The following MAP2 variants were observed in gnomAD, a reference collection of about 807,000 sequenced individuals.
MAP2 encodes microtubule associated protein 2.
In MAP2, 14 loss-of-function variants were observed where a neutral mutation model predicts 137.6. That is an observed-to-expected ratio of 0.10 (90% CI 0.07 to 0.16). MAP2 has a LOEUF of 0.16. MAP2 is among the 10% of genes least tolerant of loss of function. MAP2 has a pLI of 1.00. For missense variants in MAP2, 2,088 were observed against 2,191.5 expected (o/e 0.95, Z 0.94); for synonymous variants, 786 against 782.3 (o/e 1.00, Z -0.08).
At chr2:209,652,399 A>G (rs1222442791) in intron 4 of MAP2, among the ~76,000 whole-genome samples, 1 of 152,334 alleles carries the variant, frequency 6.6e-6, no homozygotes, top group East Asian at 1.9e-4. Flanking sequence ...ATTAATAGAA[A>G]ATGTCATTTC....
At chr2:209,682,028 T>A (rs1473175721) in intron 7 of MAP2, among the ~76,000 whole-genome samples, 1 of 152,176 alleles carries the variant, frequency 6.6e-6, no homozygotes, top group African/African-American at 2.4e-5. Flanking sequence ...TAATAATCAG[T>A]GCATAGCAGC....
At chr2:209,588,998 AAG>A in intron 3 of MAP2, among the ~76,000 whole-genome samples, 1 of 152,274 alleles carries the variant, frequency 6.6e-6, no homozygotes, top group South Asian at 2.1e-4. Flanking sequence ...CAAGAGATAA[AAG>A]AGAAATAATA....
intron 12 of MAP2, among the ~76,000 whole-genome samples, chr2:209,706,462 C>G (rs1584133377): frequency 6.6e-6 from 1 of 151,922 alleles, no homozygotes; most frequent in African/African-American, 2.4e-5. Context: ...AGACTAATGA[C>G]TATTATAATA....
intron 1 of MAP2, among the ~76,000 whole-genome samples, chr2:209,496,013 T>A (rs547318019): frequency 6.6e-5 from 10 of 152,326 alleles, no homozygotes; most frequent in African/African-American, 2.4e-4. Flanking sequence ...AACTTTCTTT[T>A]CCAGCATTGT....
chr2:209,605,794 A>G (rs965935559), intron 3 of MAP2, among the ~76,000 whole-genome samples: 9 of 152,290 alleles, frequency 5.9e-5, no homozygotes, highest in African/African-American at 1.7e-4. Flanking sequence ...TAACCATGCC[A>G]GATCTTCATG....
At chr2:209,465,034 G>A (rs1242042695) in intron 1 of MAP2, among the ~76,000 whole-genome samples, 1 of 151,964 alleles carries the variant, frequency 6.6e-6, no homozygotes, top group Non-Finnish European at 1.5e-5. Context: ...TCATATCACA[G>A]GAATAGACTA....
intron 2 of MAP2, among the ~76,000 whole-genome samples, chr2:209,537,917 A>G (rs2066236448): frequency 2.0e-5 from 3 of 152,182 alleles, no homozygotes; most frequent in Non-Finnish European, 4.4e-5. Flanking sequence ...ACAATATTTG[A>G]TGTTTGGCAC....
At chr2:209,498,398 A>G (rs2060001047) in intron 1 of MAP2, among the ~76,000 whole-genome samples, 1 of 152,098 alleles carries the variant, frequency 6.6e-6, no homozygotes, top group South Asian at 2.1e-4. Flanking sequence ...TGGCTTTTCC[A>G]GGTGCAGGAT....
intron 1 of MAP2, among the ~76,000 whole-genome samples, chr2:209,458,420 G>A (rs553191693): frequency 6.6e-6 from 1 of 152,232 alleles, no homozygotes; most frequent in African/African-American, 2.4e-5. Context: ...GGGACATGGA[G>A]GTAGAAATAA....
intron 2 of MAP2, among the ~76,000 whole-genome samples, chr2:209,546,123 A>G (rs950133186): frequency 2.0e-5 from 3 of 152,250 alleles, no homozygotes; most frequent in Non-Finnish European, 2.9e-5. Flanking sequence ...AGCCTGGGCA[A>G]CAGCGTGAGA....
intron 2 of MAP2, among the ~76,000 whole-genome samples, chr2:209,563,975 T>C (rs375421816): frequency 6.6e-6 from 1 of 152,346 alleles, no homozygotes; most frequent in East Asian, 1.9e-4. Context: ...ATTTAAAGCA[T>C]ATGTTATAAA....
At chr2:209,451,358 T>A (rs2149484125) in intron 1 of MAP2, among the ~76,000 whole-genome samples, 1 of 152,262 alleles carries the variant, frequency 6.6e-6, no homozygotes, top group Middle Eastern at 3.4e-3. Context: ...GAATAGGTGA[T>A]CAGCAGGTGA....
At chr2:209,572,219 T>C (rs1266442579) in intron 2 of MAP2, among the ~76,000 whole-genome samples, 2 of 152,084 alleles carry the variant, frequency 1.3e-5, no homozygotes, top group African/African-American at 4.8e-5. Flanking sequence ...CTTGTCTTAC[T>C]CTTCACCCTA....
intron 3 of MAP2, among the ~76,000 whole-genome samples, chr2:209,580,446 G>A (rs569779503): frequency 6.6e-6 from 1 of 152,208 alleles, no homozygotes; most frequent in East Asian, 1.9e-4. Context: ...AATATGCTAA[G>A]TAATGATTTT....
chr2:209,631,432 G>A (rs576333362), intron 4 of MAP2, among the ~76,000 whole-genome samples: 1 of 152,214 alleles, frequency 6.6e-6, no homozygotes, highest in South Asian at 2.1e-4. Context: ...AGGATACAGT[G>A]TGATATGAGG....
chr2:209,729,606 G>T (rs1049123891), intron 14 of MAP2, among the ~76,000 whole-genome samples: 2 of 152,176 alleles, frequency 1.3e-5, no homozygotes, highest in Non-Finnish European at 2.9e-5. Context: ...ATGGGTAAAG[G>T]AGAAAGGTAT....
intron 5 of MAP2, among the ~76,000 whole-genome samples, chr2:209,666,524 G>T (rs973714999): frequency 1.3e-5 from 2 of 151,980 alleles, no homozygotes; most frequent in African/African-American, 4.8e-5. Flanking sequence ...TCTCTCATCT[G>T]CCATCCTGAA....
At chr2:209,439,567 AT>A (rs1424427704) in intron 1 of MAP2, among the ~76,000 whole-genome samples, 2 of 151,448 alleles carry the variant, frequency 1.3e-5, no homozygotes. Flanking sequence ...TGGAAGTCAA[AT>A]TAAAGCTATC....
At chr2:209,617,237 A>G (rs1031591353) in intron 3 of MAP2, among the ~76,000 whole-genome samples, 8 of 152,142 alleles carry the variant, frequency 5.3e-5, no homozygotes, top group Admixed American at 1.3e-4. Flanking sequence ...GAAGATCAGA[A>G]AGAAACTGCT....
Sources: gnomAD v4.1 joint callset for allele counts (sites outside exome capture counted in the v4.1 genomes callset) on GRCh38, gnomAD v4.1.1 for gene constraint, MANE v1.5 for transcripts, NCBI Gene and HGNC (gene_info 2026-07-23, HGNC 2026-07-21) for gene names.